Variants in TCF7L2 observed in about 807,000 individuals in gnomAD.
TCF7L2 encodes the protein transcription factor 7 like 2, also known as transcription factor 7-like 2.
TCF7L2 carries 23 observed loss-of-function variants against 77.9 expected under a neutral mutation model. The observed-to-expected ratio is 0.30, with a 90% CI of 0.21 to 0.42. The LOEUF (loss-of-function observed/expected upper bound fraction) is 0.42, where lower values mean the gene tolerates loss of function less well. TCF7L2 is among the 10% of genes least tolerant of loss of function. TCF7L2 has a pLI of 1.00. For synonymous variants in TCF7L2, 413 were observed against 340.2 expected (o/e 1.21, Z -2.36); for missense variants, 654 against 793.1 (o/e 0.82, Z 2.11).
intron 5 of TCF7L2, among the ~76,000 whole-genome samples, chr10:113,073,903 C>A (rs992934068): frequency 6.6e-6 from 1 of 152,166 alleles, no homozygotes. Context: ...ACAGACCACA[C>A]CCCAGGAATG....
intron 4 of TCF7L2, among the ~76,000 whole-genome samples, chr10:112,983,082 A>AT (rs1466897178): frequency 1.3e-5 from 2 of 151,942 alleles, no homozygotes; most frequent in East Asian, 3.9e-4. Context: ...CAAGGCAGGA[A>AT]TTTGTGGCCT....
intron 5 of TCF7L2, among the ~76,000 whole-genome samples, chr10:113,118,795 A>G (rs1319153642): frequency 2.0e-5 from 3 of 151,902 alleles, no homozygotes; most frequent in African/African-American, 4.8e-5. Context: ...ATAAAACTCA[A>G]TTGCGATACT....
intron 4 of TCF7L2, among the ~76,000 whole-genome samples, chr10:113,036,419 A>G (rs1234482552): frequency 6.6e-6 from 1 of 152,094 alleles, no homozygotes. Context: ...GGGAGGTGGA[A>G]GAGGAGAAAA....
At chr10:113,008,032 G>A (rs1246715736) in intron 4 of TCF7L2, among the ~76,000 whole-genome samples, 2 of 152,214 alleles carry the variant, frequency 1.3e-5, no homozygotes, top group East Asian at 3.9e-4. Context: ...CCTCAGGGCT[G>A]AGGGCTGAGA....
intron 5 of TCF7L2, among the ~76,000 whole-genome samples, chr10:113,109,537 C>T (rs1275648189): frequency 6.6e-6 from 1 of 152,076 alleles, no homozygotes; most frequent in Non-Finnish European, 1.5e-5. Flanking sequence ...ATTACAGGCT[C>T]CTGCCACCAC....
At chr10:113,066,702 T>C (rs1005381587) in intron 5 of TCF7L2, among the ~76,000 whole-genome samples, 1 of 152,246 alleles carries the variant, frequency 6.6e-6, no homozygotes, top group Admixed American at 6.5e-5. Flanking sequence ...GGCGTGGTTG[T>C]GCCAACGATC....
chr10:113,110,369 G>GTT (rs55993335), intron 5 of TCF7L2, among the ~76,000 whole-genome samples: 2,859 of 126,310 alleles, frequency 0.023, 48 homozygotes, highest in Middle Eastern at 0.041. Flanking sequence ...GTCTACTGGG[G>GTT]TTTTTTTTTT....
rs560387208 is a variant in TCF7L2, at chr10:113,051,177, A to G, written c.552+11051A>G. On this transcript the variant is annotated intron_variant, in intron 5 of 13. Transcript: ENST00000627217. ...GAGGATCTAAATCTGGCTCTTTGCA[A>G]TTGCCTTCATACATGTGCATACACA... Among the ~76,000 whole-genome samples the G allele has an allele frequency of 2.7e-5, 4 of 150,272 alleles. No individual in the cohort carries two copies. The East Asian group carries it at 5.9e-4, about 22-fold the overall frequency.
intron 5 of TCF7L2, among the ~76,000 whole-genome samples, chr10:113,050,290 G>A (rs887350291): frequency 6.6e-6 from 1 of 152,086 alleles, no homozygotes; most frequent in African/African-American, 2.4e-5. Context: ...GTGCTGGGGT[G>A]AAAAAAACAG....
At chr10:113,067,635 A>C (rs1324355219) in intron 5 of TCF7L2, among the ~76,000 whole-genome samples, 2 of 152,240 alleles carry the variant, frequency 1.3e-5, no homozygotes, top group Non-Finnish European at 2.9e-5. Flanking sequence ...AGTGTGTTGA[A>C]AAATAAATTC....
At chr10:113,024,075 A>T (rs574578251) in intron 4 of TCF7L2, among the ~76,000 whole-genome samples, 2 of 151,996 alleles carry the variant, frequency 1.3e-5, no homozygotes, top group African/African-American at 4.8e-5. Flanking sequence ...AGGCGAGTGG[A>T]TCATCTGAGG....
chr10:113,017,589 G>A lies in TCF7L2; in HGVS notation c.451-22436G>A, dbSNP rs200588912. The stretch of plus-strand genomic sequence containing the variant: ...GCTCTCTTGGGTGTGGCCTATTGCA[G>A]TTGAGCCAGGGAAAGGCTGGTCCAC... On this transcript the variant is annotated intron_variant, in intron 4 of 13. Coordinates refer to ENST00000627217, the MANE Select transcript of TCF7L2 (RefSeq NM_001146274.2). Among the ~76,000 whole-genome samples the A allele has an allele frequency of 3.9e-5, 6 of 152,234 alleles. No homozygotes were observed. The East Asian group carries it at 7.7e-4, about 20-fold the overall frequency.
intron 5 of TCF7L2, among the ~76,000 whole-genome samples, chr10:113,041,630 T>C (rs191010433): frequency 4.0e-4 from 61 of 152,276 alleles, no homozygotes; most frequent in African/African-American, 1.5e-3. Context: ...TGCATAGGTG[T>C]AAAGAAGTTG....
Position 113,166,573 on chromosome 10 carries a change from G to T in TCF7L2, c.*601G>T. The T allele has an allele frequency of 4.6e-6, 1 of 219,408 alleles. No homozygotes were observed. Among genetic ancestry groups the T allele is most frequent in the East Asian group, 6.7e-5 (1 of 15,018 alleles). The allele number at this position is 219,408 out of a possible 1,614,324, so 13.6% of individuals were successfully genotyped here. On this transcript the variant is annotated 3_prime_UTR_variant, in exon 14 of 14. Transcript: ENST00000627217. ...CCTTGTTCCATGGTGTTGTTCTTTT[G>T]GGGGGAGGGGACGCTACTCAACACT...
rs76050461 is a variant in TCF7L2, at chr10:113,118,979, G to A, written c.553-22205G>A. Among the ~76,000 whole-genome samples the A allele has an allele frequency of 1.3e-3, 193 of 152,190 alleles. 3 individuals carry two copies. The East Asian group carries it at 0.031, about 25-fold the overall frequency. On this transcript the variant is annotated intron_variant, in intron 5 of 13. Coordinates refer to ENST00000627217, the MANE Select transcript of TCF7L2 (RefSeq NM_001146274.2). ...GATTTACCCTTGGCTTCAAATAGTC[G>A]ACGTTATCAGGCGCTGTCATTCGTT...
At chr10:112,983,620 A>G (rs59908580) in intron 4 of TCF7L2, among the ~76,000 whole-genome samples, 2,901 of 152,128 alleles carry the variant, frequency 0.019, 80 homozygotes, top group African/African-American at 0.067. Context: ...TGGTCAGGCT[A>G]TTGTTTGTCT....
At chr10:113,159,459 T>C (rs982676949) in intron 12 of TCF7L2, among the ~76,000 whole-genome samples, 8 of 152,166 alleles carry the variant, frequency 5.3e-5, no homozygotes, top group Non-Finnish European at 1.0e-4. Context: ...TTTAAACTAT[T>C]GTATTCTGAG....
intron 4 of TCF7L2, among the ~76,000 whole-genome samples, chr10:112,999,108 T>G (rs1346155786): frequency 6.6e-6 from 1 of 152,222 alleles, no homozygotes; most frequent in Non-Finnish European, 1.5e-5. Context: ...CCTCCAACTC[T>G]TGGGTTCAAA....
In TCF7L2 at chr10:113,054,057, G is replaced by A. The variant is rs149575803; in HGVS notation, c.552+13931G>A. Among the ~76,000 whole-genome samples, 5 of 152,334 alleles carry A rather than the reference G, an allele frequency of 3.3e-5. No homozygotes were observed. The South Asian group carries it at 8.3e-4, about 25-fold the overall frequency. On this transcript the variant is annotated intron_variant, in intron 5 of 13. Transcript: ENST00000627217. ...GCTGGTGCCGGTCAGGCTACACCAG[G>A]GAACCTGGAGGCCTGTCATTCTTTT...
Sources: gnomAD v4.1 joint callset for allele counts (sites outside exome capture counted in the v4.1 genomes callset) on GRCh38, gnomAD v4.1.1 for gene constraint, MANE v1.5 for transcripts, NCBI Gene and HGNC (gene_info 2026-07-23, HGNC 2026-07-21) for gene names.